The following CSNK2A1 variants were observed in gnomAD, a reference collection of about 807,000 sequenced individuals.
The protein encoded by CSNK2A1 is casein kinase 2 alpha 1, also known as casein kinase II subunit alpha.
Under a neutral mutation model 62.9 loss-of-function variants are expected in CSNK2A1, and 10 were observed. The ratio of observed to expected loss-of-function variants is 0.16; its 90% CI spans 0.10 to 0.27. The LOEUF is 0.27. Among genes scored for constraint, CSNK2A1 ranks in the 10% least tolerant of loss-of-function variants. The pLI, the probability that CSNK2A1 is intolerant of heterozygous loss-of-function variation, is 1.00. For synonymous variants in CSNK2A1, 124 were observed against 167.8 expected (o/e 0.74, Z 2.02); for missense variants, 160 against 492.0 (o/e 0.33, Z 6.38).
chr20:540,121 C>T (rs1384749304), intron 1 of CSNK2A1: 1 of 152,220 alleles, frequency 6.6e-6, no homozygotes, highest in Admixed American at 6.5e-5. Context: ...AACACATTCA[C>T]ATGTGAGTAG....
chr20:543,391 G>C (rs538801657), intron 1 of CSNK2A1, among the ~76,000 whole-genome samples: 77 of 121,306 alleles, frequency 6.3e-4, no homozygotes, highest in African/African-American at 2.1e-3. Context: ...TCCCCACCCA[G>C]TTCAGTCCTC....
At chr20:535,997 A>G (rs757537874) in intron 1 of CSNK2A1, among the ~76,000 whole-genome samples, 6 of 152,194 alleles carry the variant, frequency 3.9e-5, no homozygotes, top group Non-Finnish European at 7.3e-5. Context: ...TTACAAGTCT[A>G]TAGGTGAGCA....
At chr20:526,260 C>T (rs912286296) in intron 2 of CSNK2A1, among the ~76,000 whole-genome samples, 15 of 152,026 alleles carry the variant, frequency 9.9e-5, no homozygotes, top group African/African-American at 3.6e-4. Flanking sequence ...TGTCTGAGTC[C>T]AGGAGTTTGA....
chr20:497,880 G>T, intron 6 of CSNK2A1, 100 bp from the exon 7 acceptor site: 5 of 1,040,960 alleles, frequency 4.8e-6, no homozygotes, highest in Middle Eastern at 2.3e-4. Context: ...CTCATTTACC[G>T]TTGTTCCAAG....
chr20:523,870 A>AAAAACAAAAAAACAAAAAAACAAACAAAC lies in CSNK2A1; in HGVS notation c.-110+4062_-110+4063insGTTTGTTTGTTTTTTTGTTTTTTTGTTTT, dbSNP rs1555767928. Among the ~76,000 whole-genome samples, 38 of 150,828 alleles carry AAAAACAAAAAAACAAAAAAACAAACAAAC rather than the reference A, an allele frequency of 2.5e-4. 1 individual carries two copies. Among genetic ancestry groups the AAAAACAAAAAAACAAAAAAACAAACAAAC allele is most frequent in the African/African-American group, 9.0e-4 (37 of 41,160 alleles). On this transcript the variant is annotated intron_variant, in intron 2 of 13. Coordinates refer to ENST00000217244, the MANE Select transcript of CSNK2A1 (RefSeq NM_177559.3). ...CAAGACTCCATCTCAAAAAAAAAAA[A>AAAAACAAAAAAACAAAAAAACAAACAAAC]AAAAAAAAAAACTGTAGTAACTCAG...
chr20:542,785 G>C (rs2019480473), intron 1 of CSNK2A1, among the ~76,000 whole-genome samples: 1 of 152,044 alleles, frequency 6.6e-6, no homozygotes, highest in Non-Finnish European at 1.5e-5. Context: ...GAATTAAACA[G>C]CTGAAAAGTA....
At chr20:521,345 A>C (rs757861309) in intron 2 of CSNK2A1, among the ~76,000 whole-genome samples, 2 of 152,254 alleles carry the variant, frequency 1.3e-5, no homozygotes, top group Admixed American at 6.5e-5. Flanking sequence ...AATGAAATTA[A>C]ATCATACAAC....
intron 4 of CSNK2A1, chr20:500,561 A>T (rs2018439046): frequency 6.6e-6 from 1 of 152,344 alleles, no homozygotes; most frequent in African/African-American, 2.4e-5. Flanking sequence ...GAATCAAATG[A>T]GGTATTCGAA....
At chr20:513,975 T>C (rs2018776901) in intron 2 of CSNK2A1, among the ~76,000 whole-genome samples, 1 of 152,084 alleles carries the variant, frequency 6.6e-6, no homozygotes, top group Non-Finnish European at 1.5e-5. Flanking sequence ...TACGGGAAAA[T>C]AAAACAGAGG....
intron 2 of CSNK2A1, among the ~76,000 whole-genome samples, chr20:514,800 T>G (rs147318223): frequency 1.3e-5 from 2 of 152,328 alleles, no homozygotes; most frequent in South Asian, 2.1e-4. Flanking sequence ...CAAATGCATA[T>G]GTATATCACA....
Position 508,585 on chromosome 20 carries a change from T to A in CSNK2A1, c.-34A>T. 6.3e-7 allele frequency: 1 copy of A among 1,588,240 alleles called. No homozygotes were observed. Among genetic ancestry groups the A allele is most frequent in the Non-Finnish European group, 8.6e-7 (1 of 1,159,516 alleles). ...GGTTGGCGGACAAAGCTGGACTTGA[T>A]GTTTGGAGATCTGGCAGTCACTGTG... is the stretch of plus-strand genomic sequence containing the variant. On this transcript the variant is annotated 5_prime_UTR_variant, in exon 3 of 14. Transcript: ENST00000217244.
At chr20:486,354 G>C (rs922662426) in intron 13 of CSNK2A1, 22 bp downstream of exon 13, 3 of 1,612,030 alleles carry the variant, frequency 1.9e-6, no homozygotes, top group Non-Finnish European at 2.5e-6. Context: ...TTTTTTTAAA[G>C]AAAATTTACC....
intron 2 of CSNK2A1, among the ~76,000 whole-genome samples, chr20:514,179 A>G (rs1455640119): frequency 2.0e-5 from 3 of 151,934 alleles, no homozygotes; most frequent in African/African-American, 4.8e-5. Context: ...CCTCCTCTCT[A>G]CAAATAACAT....
chr20:514,040 G>A (rs964112972), intron 2 of CSNK2A1, among the ~76,000 whole-genome samples: 5 of 152,176 alleles, frequency 3.3e-5, no homozygotes, highest in Non-Finnish European at 7.4e-5. Flanking sequence ...CTAAGAGATT[G>A]GGGGTTAAGG....
chr20:503,639 G>A lies in CSNK2A1; in HGVS notation c.213+1479C>T, dbSNP rs1027489105. ...TGATGGATTGTGTTATACTCCTCGC[G>A]ATGGCATATTTTTGTGAAGCTGGGT... is the stretch of plus-strand genomic sequence containing the variant. On this transcript the variant is annotated intron_variant, in intron 4 of 13. Coordinates refer to ENST00000217244, the MANE Select transcript of CSNK2A1 (RefSeq NM_177559.3). 2.0e-5 allele frequency: 8 copies of A among 397,336 alleles called. No individual in the cohort carries two copies. Among genetic ancestry groups the A allele is most frequent in the Non-Finnish European group, 3.6e-5 (8 of 225,264 alleles). The allele number at this position is 397,336 out of a possible 1,614,324, so 24.6% of individuals were successfully genotyped here. A position where few individuals can be genotyped will look rare whatever the true frequency, so the allele number is the denominator to read the frequency against.
At chr20:542,278 G>A (rs1343843097) in intron 1 of CSNK2A1, among the ~76,000 whole-genome samples, 1 of 152,118 alleles carries the variant, frequency 6.6e-6, no homozygotes, top group African/African-American at 2.4e-5. Context: ...TTTACAGACG[G>A]GAAAACTGAG....
chr20:483,544 C>T lies in CSNK2A1; in HGVS notation c.*417G>A, dbSNP rs1803024. The T allele has an allele frequency of 3.9e-5, 6 of 152,942 alleles. No homozygotes were observed. The highest frequency in any genetic ancestry group is 1.2e-4 in the African/African-American group (5 of 41,430). The allele number at this position is 152,942 out of a possible 1,614,324, so 9.5% of individuals were successfully genotyped here. A position where few individuals can be genotyped will look rare whatever the true frequency, so the allele number is the denominator to read the frequency against. On this transcript the variant is annotated 3_prime_UTR_variant, in exon 14 of 14. Coordinates refer to ENST00000217244, the MANE Select transcript of CSNK2A1 (RefSeq NM_177559.3). Reference sequence around the variant, plus strand: ...CATTTTTGTAATCTCTGGAGAAGAGCACGAGATACCAACCCCCTAAAGTGT... The same window carrying T: ...CATTTTTGTAATCTCTGGAGAAGAGTACGAGATACCAACCCCCTAAAGTGT...
intron 4 of CSNK2A1, chr20:502,484 C>G (rs2035298787): frequency 6.6e-6 from 1 of 152,160 alleles, no homozygotes; most frequent in African/African-American, 2.4e-5. Context: ...ACAGACCAGG[C>G]AGCTGACTCA....
chr20:502,255 A>G (rs1163492292), intron 4 of CSNK2A1: 1 of 152,214 alleles, frequency 6.6e-6, no homozygotes, highest in Non-Finnish European at 1.5e-5. Flanking sequence ...AAGAAACAAG[A>G]TAATATAAGT....
Sources: allele counts gnomAD v4.1 joint callset (sites outside exome capture counted in the v4.1 genomes callset), GRCh38; gene constraint gnomAD v4.1.1; transcripts MANE v1.5; gene names NCBI Gene and HGNC (gene_info 2026-07-23, HGNC 2026-07-21).